ANOS1: variants seen among roughly 807,000 people sequenced by gnomAD.
ANOS1 encodes anosmin-1.
A neutral mutation model predicts 59.0 loss-of-function variants in ANOS1; 6 were observed. The ratio of observed to expected loss-of-function variants is 0.10; its 90% CI spans 0.06 to 0.20. The LOEUF is 0.20. Among genes scored for constraint, ANOS1 ranks in the 10% least tolerant of loss-of-function variants. The pLI, the probability that ANOS1 is intolerant of heterozygous loss-of-function variation, is 1.00. For missense variants in ANOS1, 433 were observed against 542.3 expected (o/e 0.80, Z 2.00); for synonymous variants, 217 against 223.4 (o/e 0.97, Z 0.25).
intron 1 of ANOS1, among the ~76,000 whole-genome samples, chrX:8,704,765 C>G (rs1932772299): frequency 9.0e-6 from 1 of 111,413 alleles, no homozygotes; most frequent in Non-Finnish European, 1.9e-5. Flanking sequence ...AAATGTTTGG[C>G]TCAGGATTTT....
intron 1 of ANOS1, among the ~76,000 whole-genome samples, chrX:8,718,300 G>A (rs1413503439): frequency 1.8e-5 from 2 of 110,010 alleles, no homozygotes; most frequent in South Asian, 4.0e-4. Context: ...GGACTCAAGC[G>A]ATTCTCCCAC....
chrX:8,617,531 A>G (rs1299841784), intron 3 of ANOS1, among the ~76,000 whole-genome samples: 1 of 111,442 alleles, frequency 9.0e-6, no homozygotes, highest in African/African-American at 3.3e-5. Flanking sequence ...CTGTAATCCC[A>G]GCACTTTGGG....
intron 1 of ANOS1, among the ~76,000 whole-genome samples, chrX:8,720,132 A>G (rs1276304840): frequency 8.9e-6 from 1 of 112,132 alleles, no homozygotes; most frequent in Non-Finnish European, 1.9e-5. Flanking sequence ...ACACACACAC[A>G]TAACCAAAAC....
intron 2 of ANOS1, among the ~76,000 whole-genome samples, chrX:8,683,265 A>C (rs924266727): frequency 1.8e-5 from 2 of 111,199 alleles, no homozygotes; most frequent in Admixed American, 1.9e-4. Flanking sequence ...GCGATGAAGG[A>C]GGATTTTGAG....
intron 4 of ANOS1, among the ~76,000 whole-genome samples, chrX:8,590,844 G>A (rs1303874024): frequency 2.7e-5 from 3 of 112,064 alleles, no homozygotes; most frequent in African/African-American, 6.5e-5. Context: ...AGGGAAGGGT[G>A]AAGATTTATC....
rs981935416 is a variant in ANOS1, at chrX:8,532,879, T to C, written c.*116A>G. The C allele has an allele frequency of 2.7e-5, 14 of 514,690 alleles. No homozygotes were observed. Among genetic ancestry groups the C allele is most frequent in the Admixed American group, 1.4e-4 (5 of 36,951 alleles). The allele number at this position is 514,690 out of a possible 1,213,427, so 42.4% of individuals were successfully genotyped here. The stretch of plus-strand genomic sequence containing the variant: ...AAGTTCTTCCTGCACTAAAGTCACA[T>C]AGGAGAGTCCGGGCCTCTGAGCAGT... On this transcript the variant is annotated 3_prime_UTR_variant, in exon 14 of 14. Coordinates refer to ENST00000262648, the MANE Select transcript of ANOS1 (RefSeq NM_000216.4).
At chrX:8,536,969 T>C in intron 10 of ANOS1, 27 bp from the exon 11 acceptor site, 2 of 1,123,597 alleles carry the variant, frequency 1.8e-6, no homozygotes, top group Non-Finnish European at 2.4e-6. Context: ...AGAATTATGC[T>C]AGCAATAAAT....
intron 6 of ANOS1, among the ~76,000 whole-genome samples, chrX:8,578,634 T>C (rs1458792855): frequency 8.9e-6 from 1 of 112,005 alleles, no homozygotes; most frequent in African/African-American, 3.2e-5. Context: ...CCTATGCACA[T>C]GGAGAAATAA....
chrX:8,640,984 G>A (rs748433406), intron 2 of ANOS1, among the ~76,000 whole-genome samples: 4 of 111,655 alleles, frequency 3.6e-5, no homozygotes, highest in South Asian at 3.7e-4. Context: ...ATTATACTTC[G>A]TTCCCTGTGT....
chrX:8,640,925 T>C (rs1931653588), intron 2 of ANOS1, among the ~76,000 whole-genome samples: 1 of 112,186 alleles, frequency 8.9e-6, no homozygotes, highest in Non-Finnish European at 1.9e-5. Context: ...TAGAGTTGGT[T>C]TTCTAATATA....
chrX:8,570,140 CAA>C (rs34481364), intron 7 of ANOS1, among the ~76,000 whole-genome samples: 64 of 73,804 alleles, frequency 8.7e-4, no homozygotes, highest in African/African-American at 2.2e-3. Context: ...CTCTCTCTCT[CAA>C]AAAAAAAAAA....
intron 9 of ANOS1, among the ~76,000 whole-genome samples, chrX:8,549,679 TC>T (rs1256974218): frequency 1.8e-5 from 2 of 112,208 alleles, no homozygotes; most frequent in Non-Finnish European, 3.8e-5. Flanking sequence ...CTAAGGTGTC[TC>T]CTTTGTGCCA....
At chrX:8,579,793 C>T (rs780501973) in intron 6 of ANOS1, among the ~76,000 whole-genome samples, 18 of 111,748 alleles carry the variant, frequency 1.6e-4, no homozygotes, top group Non-Finnish European at 2.3e-4. Flanking sequence ...CCCCCTCCAG[C>T]GAGGAGTTCT....
intron 1 of ANOS1, among the ~76,000 whole-genome samples, chrX:8,713,238 A>T (rs936566011): frequency 4.5e-5 from 5 of 110,352 alleles, no homozygotes; most frequent in African/African-American, 1.6e-4. Flanking sequence ...ACCTGAATCA[A>T]AAAGGGCTGC....
chrX:8,693,515 C>T (rs16985113), intron 2 of ANOS1, among the ~76,000 whole-genome samples: 1,233 of 111,121 alleles, frequency 0.011, 20 homozygotes, highest in African/African-American at 0.038. Context: ...TGAGCAGAGC[C>T]TAACAGAAAC....
intron 1 of ANOS1, among the ~76,000 whole-genome samples, chrX:8,723,741 T>C (rs746260176): frequency 8.9e-6 from 1 of 112,005 alleles, no homozygotes; most frequent in Admixed American, 9.5e-5. Context: ...CTGGAGGATG[T>C]AGCTTTTTTG....
At chrX:8,620,921 C>A (rs1441658314) in intron 3 of ANOS1, among the ~76,000 whole-genome samples, 1 of 112,113 alleles carries the variant, frequency 8.9e-6, no homozygotes, top group African/African-American at 3.2e-5. Context: ...TTACAGAAAC[C>A]TGCTCTTGAA....
chrX:8,649,572 C>A (rs1931816922), intron 2 of ANOS1, among the ~76,000 whole-genome samples: 1 of 112,187 alleles, frequency 8.9e-6, no homozygotes, highest in African/African-American at 3.2e-5. Context: ...GAGGACAAGA[C>A]TTTTGTCTTT....
intron 7 of ANOS1, among the ~76,000 whole-genome samples, chrX:8,568,650 T>C (rs765941598): frequency 5.9e-4 from 64 of 109,192 alleles, no homozygotes; most frequent in Non-Finnish European, 1.1e-3. Context: ...CTGGGCAACA[T>C]AGCAAGACTG....
Sources: gnomAD v4.1 joint callset for allele counts (sites outside exome capture counted in the v4.1 genomes callset) on GRCh38, gnomAD v4.1.1 for gene constraint, MANE v1.5 for transcripts, NCBI Gene and HGNC (gene_info 2026-07-23, HGNC 2026-07-21) for gene names.